The following MYLK4 variants were observed in gnomAD, a reference collection of about 807,000 sequenced individuals.
MYLK4 encodes caMLCK like.
A neutral mutation model predicts 48.1 loss-of-function variants in MYLK4; 46 were observed. The observed-to-expected ratio is 0.96, with a 90% CI of 0.75 to 1.22. MYLK4 has a LOEUF of 1.22. MYLK4 is among the 50% of genes most tolerant of loss of function. MYLK4 has a pLI of 0.00. For synonymous variants in MYLK4, 170 were observed against 180.8 expected, an observed-to-expected ratio of 0.94 and a Z score of 0.48; for missense variants, 451 against 486.1, an observed-to-expected ratio of 0.93 and a Z score of 0.68.
intron 2 of MYLK4, among the ~76,000 whole-genome samples, chr6:2,697,646 C>T (rs1762113926): frequency 6.6e-6 from 1 of 152,220 alleles, no homozygotes; most frequent in Non-Finnish European, 1.5e-5. Context: ...ATCCTTCTTT[C>T]ATTCCCATTC....
At chr6:2,763,640 G>A in the MYLK4 span, among the ~76,000 whole-genome samples, 3 of 152,222 alleles carry the variant, frequency 2.0e-5, no homozygotes, top group Non-Finnish European at 4.4e-5. Context: ...GTTCCCGCCC[G>A]CGCCTCTCCC....
At chr6:2,713,161 G>A (rs563649138) in intron 2 of MYLK4, among the ~76,000 whole-genome samples, 5 of 151,882 alleles carry the variant, frequency 3.3e-5, no homozygotes, top group African/African-American at 1.2e-4. Flanking sequence ...CCCTGAGGTC[G>A]GGAGTTCGAG....
chr6:2,702,851 G>A (rs1420836110), intron 2 of MYLK4, among the ~76,000 whole-genome samples: 1 of 152,080 alleles, frequency 6.6e-6, no homozygotes, highest in African/African-American at 2.4e-5. Context: ...ACCCCCGATC[G>A]GTCTGTGTTT....
intron 2 of MYLK4, among the ~76,000 whole-genome samples, chr6:2,698,931 C>G (rs1011274571): frequency 6.6e-6 from 1 of 152,136 alleles, no homozygotes; most frequent in Non-Finnish European, 1.5e-5. Context: ...ACTGACTGAC[C>G]AAATCCAGAA....
chr6:2,671,545 C>G (rs964084638), intron 11 of MYLK4, among the ~76,000 whole-genome samples, 197 bp from the exon 12 acceptor site: 4 of 152,204 alleles, frequency 2.6e-5, no homozygotes, highest in Non-Finnish European at 5.9e-5. Context: ...AGTCCACTCT[C>G]CCCTGAGGCC....
chr6:2,766,383 C>G, the MYLK4 span: 3 of 1,608,476 alleles, frequency 1.9e-6, no homozygotes, highest in Non-Finnish European at 1.7e-6. Context: ...CTGCTGCGCT[C>G]GCTCCTGGAG....
At chr6:2,684,756 T>G (rs1316230179) in intron 6 of MYLK4, among the ~76,000 whole-genome samples, 2 of 152,234 alleles carry the variant, frequency 1.3e-5, no homozygotes, top group Non-Finnish European at 2.9e-5. Flanking sequence ...ATAAGTTATA[T>G]GCAAAAGACT....
In MYLK4 at chr6:2,675,138, T is replaced by C; in HGVS notation, c.1041-13A>G. 1.9e-6 allele frequency: 3 copies of C among 1,605,146 alleles called. No individual in the cohort carries two copies. The highest frequency in any genetic ancestry group is 2.6e-6 in the Non-Finnish European group (3 of 1,172,024). On this transcript the variant is annotated splice_polypyrimidine_tract_variant and intron_variant, in intron 10 of 12. Transcript: ENST00000274643. ...ACTTATTCGCCAACTAGAAGGAAAT[T>C]CAGAAGGTGATTAGTAGAAACACAC...
chr6:2,716,967 G>T (rs1278927488), intron 2 of MYLK4, among the ~76,000 whole-genome samples: 1 of 152,150 alleles, frequency 6.6e-6, no homozygotes, highest in African/African-American at 2.4e-5. Context: ...TGGGCCCTGG[G>T]GTATCAAGGC....
chr6:2,685,667 G>T lies in MYLK4; in HGVS notation c.342-91C>A. ...GTGGCCCCAGTATTTCTCCTGCTGA[G>T]TCTGGATGAGCAGCCCTCTGAGGAG... On this transcript the variant is annotated intron_variant, in intron 4 of 12. Coordinates refer to ENST00000274643, the MANE Select transcript of MYLK4 (RefSeq NM_001012418.5). This position sits in a 1 kb window ranked among gnomAD's most constrained non-coding sequence, Gnocchi z 4.5. 1 of 1,157,900 alleles carries T rather than the reference G, an allele frequency of 8.6e-7. No individual in the cohort carries two copies. Among genetic ancestry groups the T allele is most frequent in the Non-Finnish European group, 1.3e-6 (1 of 782,622 alleles). 71.7% of individuals were successfully genotyped at this position (1,157,900 alleles called of 1,614,324 possible).
At chr6:2,764,697 C>T in the MYLK4 span, among the ~76,000 whole-genome samples, 1 of 152,170 alleles carries the variant, frequency 6.6e-6, no homozygotes, top group East Asian at 1.9e-4. Context: ...GCTAAGGAGA[C>T]AGAAGGCTGG....
At chr6:2,746,079 C>T (rs1340054870) in intron 2 of MYLK4, among the ~76,000 whole-genome samples, 8 of 150,024 alleles carry the variant, frequency 5.3e-5, no homozygotes, top group East Asian at 1.9e-4. Context: ...GGTGAAACCC[C>T]GTCTCTACTA....
intron 2 of MYLK4, among the ~76,000 whole-genome samples, chr6:2,736,644 C>T (rs1338486962): frequency 6.6e-6 from 1 of 152,228 alleles, no homozygotes; most frequent in East Asian, 1.9e-4. Context: ...TGCCTGGTGG[C>T]TTTCCATTCT....
chr6:2,738,151 T>C (rs1249531422), intron 2 of MYLK4, among the ~76,000 whole-genome samples: 1 of 152,130 alleles, frequency 6.6e-6, no homozygotes, highest in Admixed American at 6.5e-5. Context: ...TAACTTCTCA[T>C]TATTAGGCAA....
chr6:2,766,035 G>A, the MYLK4 span: 2 of 1,304,874 alleles, frequency 1.5e-6, no homozygotes, highest in African/African-American at 1.5e-5. Context: ...GGGAGGAAGG[G>A]GTCGGGGAAG....
intron 10 of MYLK4, 33 bp downstream of exon 10, chr6:2,678,187 C>A: frequency 6.2e-7 from 1 of 1,607,986 alleles, no homozygotes; most frequent in Non-Finnish European, 8.5e-7. Flanking sequence ...ATCATCCCTA[C>A]TGCGCCCGGA....
chr6:2,676,253 T>A (rs893665321), intron 10 of MYLK4, among the ~76,000 whole-genome samples: 3 of 152,164 alleles, frequency 2.0e-5, no homozygotes, highest in Non-Finnish European at 2.9e-5. Flanking sequence ...TATTTAAGTA[T>A]AAGATTTGAA....
At chr6:2,729,630 T>A (rs912329805) in intron 2 of MYLK4, among the ~76,000 whole-genome samples, 15 of 152,204 alleles carry the variant, frequency 9.9e-5, no homozygotes, top group Admixed American at 8.5e-4. Flanking sequence ...CTCAGGATGC[T>A]TTCCAGACTG....
chr6:2,719,192 T>G (rs1326662499), intron 2 of MYLK4, among the ~76,000 whole-genome samples: 1 of 152,202 alleles, frequency 6.6e-6, no homozygotes, highest in Non-Finnish European at 1.5e-5. Context: ...GTTACATTCC[T>G]GGATCACATC....
Sources: allele counts gnomAD v4.1 joint callset (sites outside exome capture counted in the v4.1 genomes callset), GRCh38; gene constraint gnomAD v4.1.1; non-coding constraint Gnocchi (gnomAD v3.1); transcripts MANE v1.5; gene names NCBI Gene and HGNC (gene_info 2026-07-23, HGNC 2026-07-21).